Variants in PIK3C2A observed in about 807,000 individuals in gnomAD.
The protein encoded by PIK3C2A is phosphatidylinositol-4-phosphate 3-kinase catalytic subunit type 2 alpha.
Under a neutral mutation model 204.5 loss-of-function variants are expected in PIK3C2A, and 97 were observed. That is an observed-to-expected ratio of 0.47 (90% CI 0.40 to 0.56). The LOEUF is 0.56. PIK3C2A is among the 20% of genes least tolerant of loss of function. The pLI, the probability that PIK3C2A is intolerant of heterozygous loss-of-function variation, is 0.00. For missense variants in PIK3C2A, 1,735 were observed against 1,969.2 expected, an observed-to-expected ratio of 0.88 and a Z score of 2.25; for synonymous variants, 653 against 664.4, an observed-to-expected ratio of 0.98 and a Z score of 0.26.
At chr11:17,092,512 CAA>C (rs1848338419) in intron 28 of PIK3C2A, among the ~76,000 whole-genome samples, 2 of 151,984 alleles carry the variant, frequency 1.3e-5, no homozygotes, top group African/African-American at 2.4e-5. Flanking sequence ...ACTAAAAATA[CAA>C]AAATTAGCGT....
intron 1 of PIK3C2A, among the ~76,000 whole-genome samples, chr11:17,187,302 C>G (rs1851784673): frequency 6.6e-6 from 1 of 152,106 alleles, no homozygotes. Flanking sequence ...TTGTCAGAAA[C>G]TACAGAGAGA....
In PIK3C2A at chr11:17,136,562, C is replaced by A; in HGVS notation, c.1768G>T (p.Gly590Cys). ...TCTGTAATGGCAAGAGTCTCGACAC[C>A]ATCTAAAGCACTACAGATTTTTCTT... Reference protein sequence around the residue: ...AVRKICSALDGVETLAITESV... With the variant: ...AVRKICSALDCVETLAITESV... Residue 590 changes from glycine (G) to cysteine (C), a missense_variant, in exon 9 of 33, where the codon GGT (glycine) becomes TGT (cysteine). Physicochemically the swap from Gly to Cys is radical, Grantham distance 159. Transcript: ENST00000691414. 1 of 1,597,796 alleles carries A rather than the reference C, an allele frequency of 6.3e-7. No homozygotes were observed. The highest frequency in any genetic ancestry group is 8.6e-7 in the Non-Finnish European group (1 of 1,165,660).
intron 8 of PIK3C2A, among the ~76,000 whole-genome samples, chr11:17,141,882 G>A (rs535185824): frequency 6.6e-6 from 1 of 152,306 alleles, no homozygotes; most frequent in Admixed American, 6.5e-5. Flanking sequence ...GAATTAGACT[G>A]AATGTGAAAT....
At chr11:17,101,607 C>CTT (rs768044410) in intron 24 of PIK3C2A, among the ~76,000 whole-genome samples, 173 bp from the exon 25 acceptor site, 11 of 140,514 alleles carry the variant, frequency 7.8e-5, no homozygotes, top group East Asian at 2.0e-4. Flanking sequence ...CTTTTTTTTT[C>CTT]TTTTTTTTTT....
intron 9 of PIK3C2A, among the ~76,000 whole-genome samples, chr11:17,135,653 G>C (rs945783827): frequency 6.7e-6 from 1 of 150,342 alleles, no homozygotes; most frequent in Admixed American, 6.7e-5. Flanking sequence ...CATGGTAGTT[G>C]ATCACCTTCA....
Position 17,169,595 on chromosome 11 carries a change from A to G in PIK3C2A, c.147T>C (p.Thr49=), listed in dbSNP as rs1456749030. The change falls in exon 2 of 33, where the codon ACT becomes ACC. Residue 49 remains threonine (T), a synonymous_variant. Transcript: ENST00000691414. Reference sequence around the variant, plus strand: ...ACAACTCAAAGCCTCTCTGATTGTCAGTCACTTGTCTATCCTTTTGCAGTT... The same window carrying G: ...ACAACTCAAAGCCTCTCTGATTGTCGGTCACTTGTCTATCCTTTTGCAGTT... The part of the protein sequence containing the change: ...LAKLQKDRQV[T]DNQRGFELSS... The G allele has an allele frequency of 1.9e-6, 3 of 1,614,080 alleles. No homozygotes were observed. In the South Asian group the frequency reaches 3.3e-5, roughly 18 times the overall value.
chr11:17,102,642 C>T lies in PIK3C2A; in HGVS notation c.3851+20G>A, dbSNP rs1373966437. 4 of 1,559,804 alleles carry T rather than the reference C, an allele frequency of 2.6e-6. No individual in the cohort carries two copies. The South Asian group carries it at 3.6e-5, about 14-fold the overall frequency. Reference sequence around the variant, plus strand: ...AACAGGAAGTGCCTCATTTCTTTGGCAACAGCAATAACATTATACCTTTTG... The same window carrying T: ...AACAGGAAGTGCCTCATTTCTTTGGTAACAGCAATAACATTATACCTTTTG... On this transcript the variant is annotated intron_variant, in intron 24 of 32. Transcript: ENST00000691414.
chr11:17,203,240 C>T (rs1385596966), intron 1 of PIK3C2A, among the ~76,000 whole-genome samples: 1 of 151,806 alleles, frequency 6.6e-6, no homozygotes, highest in African/African-American at 2.4e-5. Context: ...TGCCTGTAAT[C>T]CCAGCAGTTT....
At chr11:17,150,272 C>G (rs12291496) in intron 4 of PIK3C2A, among the ~76,000 whole-genome samples, 186 of 152,256 alleles carry the variant, frequency 1.2e-3, no homozygotes, top group African/African-American at 4.2e-3. Context: ...GCTTTTCAGC[C>G]TTGGCCAAGA....
intron 1 of PIK3C2A, among the ~76,000 whole-genome samples, chr11:17,177,776 G>A (rs1000310632): frequency 6.6e-6 from 1 of 152,054 alleles, no homozygotes; most frequent in African/African-American, 2.4e-5. Context: ...GATGTGATTC[G>A]GTTACAGCGA....
At position 17,148,789 on chromosome 11, in the gene PIK3C2A, T is replaced by G; in HGVS notation, c.1328-2A>C. On this transcript the variant is annotated splice_acceptor_variant, in intron 4 of 32. Transcript: ENST00000691414. LOFTEE classifies it high-confidence loss of function. Reference sequence around the variant, plus strand: ...TAATGATTTCTACAGTAGAACTCACTGTAAAAGAGTTAGTCATTATTTTCA... The same window carrying G: ...TAATGATTTCTACAGTAGAACTCACGGTAAAAGAGTTAGTCATTATTTTCA... 6.2e-7 allele frequency: 1 copy of G among 1,607,126 alleles called. No individual in the cohort carries two copies. The highest frequency in any genetic ancestry group is 8.5e-7 in the Non-Finnish European group (1 of 1,175,560).
At chr11:17,101,770 A>G (rs1848632431) in intron 24 of PIK3C2A, among the ~76,000 whole-genome samples, 1 of 151,346 alleles carries the variant, frequency 6.6e-6, no homozygotes, top group African/African-American at 2.4e-5. Context: ...CGCCCGGCTA[A>G]TTTTTTGTAT....
intron 1 of PIK3C2A, among the ~76,000 whole-genome samples, chr11:17,206,680 G>A (rs974941375): frequency 4.6e-5 from 7 of 151,828 alleles, no homozygotes; most frequent in African/African-American, 1.7e-4. Flanking sequence ...AGGAGGCAAA[G>A]GTACAAAGTC....
At chr11:17,164,605 C>T (rs1456805492) in intron 2 of PIK3C2A, among the ~76,000 whole-genome samples, 1 of 152,144 alleles carries the variant, frequency 6.6e-6, no homozygotes, top group Non-Finnish European at 1.5e-5. Flanking sequence ...CTGATTGATC[C>T]CCTGATCAAG....
chr11:17,201,973 G>A (rs949231148), intron 1 of PIK3C2A, among the ~76,000 whole-genome samples: 14 of 152,010 alleles, frequency 9.2e-5, no homozygotes, highest in African/African-American at 2.7e-4. Context: ...AAGAATACTG[G>A]GGCCCGGGGC....
rs760486399 is a variant in PIK3C2A, at chr11:17,091,659, G to GA, written c.4643-4dup. ...AGTAGGACTGAAGGAACCTGCATCTGAAAATACAAATATTTTCATCTTTAT... is the reference window on the plus strand; with the variant it reads ...AGTAGGACTGAAGGAACCTGCATCTGAAAAATACAAATATTTTCATCTTTAT... On this transcript the variant is annotated splice_polypyrimidine_tract_variant and splice_region_variant and intron_variant, in intron 30 of 32. Transcript: ENST00000691414. 6.5e-6 allele frequency: 10 copies of GA among 1,534,900 alleles called. No individual in the cohort carries two copies. In the South Asian group the frequency reaches 1.0e-4, roughly 16 times the overall value.
At chr11:17,121,624 T>A (rs1256668856) in intron 15 of PIK3C2A, among the ~76,000 whole-genome samples, 1 of 152,136 alleles carries the variant, frequency 6.6e-6, no homozygotes, top group Non-Finnish European at 1.5e-5. Context: ...ATTTTATGTA[T>A]CCTTATCAAC....
Position 17,089,928 on chromosome 11 carries a change from A to G in PIK3C2A, c.4879-8T>C, listed in dbSNP as rs1250700906. 6.5e-7 allele frequency: 1 copy of G among 1,530,290 alleles called. No individual in the cohort carries two copies. The highest frequency in any genetic ancestry group is 1.4e-5 in the African/African-American group (1 of 71,672). The allele number at this position is 1,530,290 out of a possible 1,614,324, so 94.8% of individuals were successfully genotyped here. On this transcript the variant is annotated splice_polypyrimidine_tract_variant and splice_region_variant and intron_variant, in intron 32 of 32. Coordinates refer to ENST00000691414, the MANE Select transcript of PIK3C2A (RefSeq NM_002645.4). ...ATATCCACTGTATACAAGCTACAAC[A>G]AAGGAAAAAAGAACAGTAAATCACA...
At chr11:17,114,017 T>G (rs1321872089) in intron 20 of PIK3C2A, among the ~76,000 whole-genome samples, 2 of 151,462 alleles carry the variant, frequency 1.3e-5, no homozygotes, top group East Asian at 1.9e-4. Flanking sequence ...GAGGTGGAGG[T>G]TGCAGTGAGC....
Sources: allele counts gnomAD v4.1 joint callset (sites outside exome capture counted in the v4.1 genomes callset), GRCh38; gene constraint gnomAD v4.1.1; transcripts MANE v1.5; gene names NCBI Gene and HGNC (gene_info 2026-07-23, HGNC 2026-07-21).